The following CATSPERE variants were observed in gnomAD, a reference collection of about 807,000 sequenced individuals.
CATSPERE encodes catsper channel auxiliary subunit epsilon.
A neutral mutation model predicts 114.1 loss-of-function variants in CATSPERE; 93 were observed. The observed-to-expected ratio is 0.81, with a 90% confidence interval of 0.69 to 0.97. CATSPERE has a LOEUF of 0.97. Ranked by LOEUF, CATSPERE falls within the 50% of genes least tolerant of loss-of-function variation. The probability of loss-of-function intolerance (pLI) is 0.00; values close to 1 mark genes in which losing one functional copy is unlikely to be tolerated. For synonymous variants in CATSPERE, 341 were observed against 384.1 expected (o/e 0.89, Z 1.31); for missense variants, 1,058 against 1,131.6 (o/e 0.93, Z 0.93).
intron 8 of CATSPERE, among the ~76,000 whole-genome samples, chr1:244,542,408 A>G (rs559930075): frequency 3.3e-5 from 5 of 152,066 alleles, no homozygotes; most frequent in Non-Finnish European, 7.4e-5. Flanking sequence ...ATATTTGGGC[A>G]TCTAGTGTAC....
chr1:244,622,280 G>A (rs1350644378), intron 20 of CATSPERE, among the ~76,000 whole-genome samples: 4 of 152,058 alleles, frequency 2.6e-5, no homozygotes, highest in African/African-American at 9.7e-5. Flanking sequence ...ATCTATATGT[G>A]GTCCTGAAGC....
intron 5 of CATSPERE, 33 bp downstream of exon 5, chr1:244,479,817 C>T (rs1359795408): frequency 8.3e-7 from 1 of 1,209,922 alleles, no homozygotes; most frequent in South Asian, 1.6e-5. Flanking sequence ...GGTAATTATG[C>T]TTTTAAAGAG....
rs988427167 is a variant in CATSPERE at position 244,517,843 on chromosome 1, C to T, written c.430-749C>T. On this transcript the variant is annotated intron_variant, in intron 7 of 21. Coordinates refer to ENST00000366534, the MANE Select transcript of CATSPERE (RefSeq NM_001130957.2). ...TTCCCTGACCATTATTCCTACTTCC[C>T]ACAATGGGTTCTACTATCAGATAAC... 2.6e-5 allele frequency among the ~76,000 whole-genome samples: 4 copies of T among 151,696 alleles called. 1 individual carries two copies. Among genetic ancestry groups the T allele is most frequent in the Admixed American group, 1.3e-4 (2 of 15,242 alleles).
At chr1:244,513,064 G>A (rs1676026455) in intron 7 of CATSPERE, among the ~76,000 whole-genome samples, 1 of 152,212 alleles carries the variant, frequency 6.6e-6, no homozygotes, top group African/African-American at 2.4e-5. Context: ...TGGGCCTCCA[G>A]GTGGCTTGCT....
intron 21 of CATSPERE, chr1:244,636,516 T>G (rs527768505): frequency 6.6e-6 from 1 of 151,924 alleles, no homozygotes; most frequent in African/African-American, 2.4e-5. Flanking sequence ...CCTCATGGGG[T>G]TGGTATGTTT....
At chr1:244,586,154 T>C (rs1021887141) in intron 13 of CATSPERE, among the ~76,000 whole-genome samples, 2 of 152,214 alleles carry the variant, frequency 1.3e-5, no homozygotes, top group Non-Finnish European at 1.5e-5. Flanking sequence ...TCTGGGAATA[T>C]GTGTCAGCCC....
At chr1:244,578,409 C>T (rs1191877062) in intron 11 of CATSPERE, among the ~76,000 whole-genome samples, 2 of 152,046 alleles carry the variant, frequency 1.3e-5, no homozygotes, top group African/African-American at 4.8e-5. Context: ...CCTCGGCCTG[C>T]CAAAGTGCTG....
At chr1:244,471,355 T>C (rs1668448722) in intron 2 of CATSPERE, among the ~76,000 whole-genome samples, 1 of 152,244 alleles carries the variant, frequency 6.6e-6, no homozygotes, top group South Asian at 2.1e-4. Context: ...ATTATATATT[T>C]CTTTAGTTCC....
intron 20 of CATSPERE, 81 bp from the exon 21 acceptor site, chr1:244,635,408 T>C (rs934215925): frequency 1.5e-5 from 15 of 996,160 alleles, no homozygotes; most frequent in Non-Finnish European, 2.4e-5. Context: ...TATGGTTTGA[T>C]TGTTACCATA....
intron 8 of CATSPERE, among the ~76,000 whole-genome samples, chr1:244,541,055 G>GT (rs1658620845): frequency 2.0e-5 from 1 of 51,272 alleles, no homozygotes; most frequent in Non-Finnish European, 4.1e-5. Flanking sequence ...TAAAAACCCT[G>GT]GAAGAAAACC....
intron 10 of CATSPERE, among the ~76,000 whole-genome samples, chr1:244,565,375 T>C (rs892550336): frequency 3.9e-5 from 6 of 152,176 alleles, no homozygotes; most frequent in African/African-American, 1.4e-4. Flanking sequence ...ATCTGTCTGG[T>C]CCTTGGCTTT....
intron 2 of CATSPERE, among the ~76,000 whole-genome samples, chr1:244,465,874 A>C (rs1011072776): frequency 6.6e-6 from 1 of 152,210 alleles, no homozygotes; most frequent in African/African-American, 2.4e-5. Context: ...GTAGCCCTCC[A>C]GAGTTGATCT....
At chr1:244,619,731 G>T (rs1176153499) in intron 20 of CATSPERE, among the ~76,000 whole-genome samples, 2 of 152,144 alleles carry the variant, frequency 1.3e-5, no homozygotes, top group East Asian at 3.9e-4. Context: ...AAGTTTGAAG[G>T]TAAGAGGATG....
chr1:244,495,235 A>C (rs1006417735), intron 6 of CATSPERE, among the ~76,000 whole-genome samples: 1 of 152,340 alleles, frequency 6.6e-6, no homozygotes, highest in African/African-American at 2.4e-5. Flanking sequence ...ATTAGAACAG[A>C]ATGTGAGCTT....
In CATSPERE at chr1:244,575,866, A is replaced by T. The variant is rs1343415114; in HGVS notation, c.1950+3094A>T. On this transcript the variant is annotated intron_variant, in intron 11 of 21. Transcript: ENST00000366534. This position sits in a 1 kb window ranked among gnomAD's most constrained non-coding sequence, Gnocchi z 4.5. The stretch of plus-strand genomic sequence containing the variant: ...ATTGCTGGAGGATTGTGTGAGGTTC[A>T]GTCTCTCCCTAATGGGGATTTTTCA... 6.6e-6 allele frequency among the ~76,000 whole-genome samples: 1 copy of T among 151,452 alleles called. No individual in the cohort carries two copies. Among genetic ancestry groups the T allele is most frequent in the Non-Finnish European group, 1.5e-5 (1 of 67,938 alleles).
Position 244,620,685 on chromosome 1 carries a change from G to A in CATSPERE, c.2648+2999G>A, listed in dbSNP as rs182605639. On this transcript the variant is annotated intron_variant, in intron 20 of 21. Coordinates refer to ENST00000366534, the MANE Select transcript of CATSPERE (RefSeq NM_001130957.2). ...AGGGGAAACCTTTCCTGTACAGTACGTTTAACACACATACACCTTTTAAAT... is the reference window on the plus strand; with the variant it reads ...AGGGGAAACCTTTCCTGTACAGTACATTTAACACACATACACCTTTTAAAT... Among the ~76,000 whole-genome samples, 202 of 152,052 alleles carry A rather than the reference G, an allele frequency of 1.3e-3. 1 individual carries two copies. The highest frequency in any genetic ancestry group is 4.8e-3 in the African/African-American group (197 of 41,470).
At chr1:244,572,834 A>G in intron 11 of CATSPERE, 62 bp downstream of exon 11, 2 of 1,082,914 alleles carry the variant, frequency 1.8e-6, no homozygotes, top group Non-Finnish European at 2.5e-6. Context: ...TAATATTAAC[A>G]TTTTTGTAAA....
chr1:244,541,314 A>T (rs1290051151), intron 8 of CATSPERE, among the ~76,000 whole-genome samples: 3 of 149,232 alleles, frequency 2.0e-5, no homozygotes, highest in African/African-American at 2.4e-5. Flanking sequence ...TTACAAGAAA[A>T]AAACAAACAA....
intron 8 of CATSPERE, among the ~76,000 whole-genome samples, chr1:244,525,060 T>C (rs1267323001): frequency 6.8e-6 from 1 of 146,578 alleles, no homozygotes; most frequent in African/African-American, 2.7e-5. Context: ...TGCGGCATTA[T>C]TCACAATAGC....
Sources: allele counts gnomAD v4.1 joint callset (sites outside exome capture counted in the v4.1 genomes callset), GRCh38; gene constraint gnomAD v4.1.1; non-coding constraint Gnocchi (gnomAD v3.1); transcripts MANE v1.5; gene names NCBI Gene and HGNC (gene_info 2026-07-23, HGNC 2026-07-21).